The following PLCB1 variants were observed in gnomAD, a reference collection of about 807,000 sequenced individuals.
PLCB1 encodes the protein phospholipase C beta 1.
PLCB1 carries 46 observed loss-of-function variants against 161.8 expected under a neutral mutation model. That is an observed-to-expected ratio of 0.28 (90% confidence interval 0.22 to 0.36). The LOEUF is 0.36. PLCB1 is among the 10% of genes least tolerant of loss of function. PLCB1 has a pLI of 1.00. For synonymous variants in PLCB1, 517 were observed against 503.7 expected, an observed-to-expected ratio of 1.03 and a Z score of -0.35; for missense variants, 1,016 against 1,472.5, an observed-to-expected ratio of 0.69 and a Z score of 5.07.
intron 3 of PLCB1, among the ~76,000 whole-genome samples, chr20:8,471,695 G>T (rs1982059337): frequency 6.6e-6 from 1 of 152,124 alleles, no homozygotes; most frequent in African/African-American, 2.4e-5. Context: ...ATTGGATTTT[G>T]CAGACTCGCC....
intron 2 of PLCB1, among the ~76,000 whole-genome samples, chr20:8,250,906 A>C (rs1248058952): frequency 6.6e-6 from 1 of 151,990 alleles, no homozygotes; most frequent in African/African-American, 2.4e-5. Flanking sequence ...AGTGATACAA[A>C]CAAAACAACA....
At chr20:8,626,366 A>G (rs949353496) in intron 3 of PLCB1, among the ~76,000 whole-genome samples, 1 of 152,054 alleles carries the variant, frequency 6.6e-6, no homozygotes, top group Admixed American at 6.6e-5. Context: ...GAGTTCCTTT[A>G]TCTTAAGGAT....
rs566678022 is a variant in PLCB1, at chr20:8,465,076, A to G, written c.246+93626A>G. Among the ~76,000 whole-genome samples the G allele has an allele frequency of 9.9e-5, 15 of 152,146 alleles. 1 individual carries two copies. The South Asian group carries it at 1.7e-3, about 17-fold the overall frequency. On this transcript the variant is annotated intron_variant, in intron 3 of 31. Transcript: ENST00000338037. ...TGTTAGACATTCTTAGATAATTCCT[A>G]TATCTATTAGAATTATGGGTTGAAG...
chr20:8,134,490 G>A (rs2051324793), intron 1 of PLCB1, among the ~76,000 whole-genome samples: 1 of 152,180 alleles, frequency 6.6e-6, no homozygotes, highest in Non-Finnish European at 1.5e-5. Flanking sequence ...GAGAATGAAA[G>A]TATTCTATGA....
At chr20:8,766,792 T>C (rs924103029) in intron 26 of PLCB1, among the ~76,000 whole-genome samples, 4 of 152,124 alleles carry the variant, frequency 2.6e-5, no homozygotes, top group African/African-American at 9.7e-5. Context: ...CATGTCTGAA[T>C]TGGGGCCTGA....
chr20:8,431,007 A>T (rs1012824803), intron 3 of PLCB1, among the ~76,000 whole-genome samples: 1 of 152,078 alleles, frequency 6.6e-6, no homozygotes, highest in African/African-American at 2.4e-5. Context: ...CTTATGGTTT[A>T]TCTTTAGTAG....
intron 3 of PLCB1, among the ~76,000 whole-genome samples, chr20:8,390,489 A>T (rs968007908): frequency 2.6e-5 from 4 of 152,206 alleles, no homozygotes; most frequent in Non-Finnish European, 5.9e-5. Context: ...AGCCCTTAAC[A>T]GTGTTCCCTC....
chr20:8,407,961 C>T (rs1317219605), intron 3 of PLCB1, among the ~76,000 whole-genome samples: 2 of 152,008 alleles, frequency 1.3e-5, no homozygotes, highest in African/African-American at 2.4e-5. Flanking sequence ...TGAGAAAACT[C>T]GTGGTATAGG....
At chr20:8,573,555 GCTA>G (rs1240701102) in intron 3 of PLCB1, among the ~76,000 whole-genome samples, 2 of 152,186 alleles carry the variant, frequency 1.3e-5, no homozygotes, top group Non-Finnish European at 2.9e-5. Context: ...AGTTTGTCAT[GCTA>G]CTACCATCAA....
At chr20:8,194,125 A>T in intron 2 of PLCB1, among the ~76,000 whole-genome samples, 2 of 152,040 alleles carry the variant, frequency 1.3e-5, no homozygotes, top group East Asian at 3.9e-4. Flanking sequence ...TGTACATCAC[A>T]CTTATTTTGA....
At chr20:8,549,202 T>A (rs996066970) in intron 3 of PLCB1, among the ~76,000 whole-genome samples, 1 of 152,022 alleles carries the variant, frequency 6.6e-6, no homozygotes, top group African/African-American at 2.4e-5. Flanking sequence ...TAAATAAATA[T>A]ATATTTTTTT....
intron 3 of PLCB1, among the ~76,000 whole-genome samples, chr20:8,601,848 A>G (rs1470357046): frequency 6.6e-6 from 1 of 152,200 alleles, no homozygotes; most frequent in Non-Finnish European, 1.5e-5. Context: ...TAAACCTGCT[A>G]GTGTTAACTG....
intron 3 of PLCB1, among the ~76,000 whole-genome samples, chr20:8,381,366 C>T (rs1987248382): frequency 6.6e-6 from 1 of 152,146 alleles, no homozygotes; most frequent in Admixed American, 6.5e-5. Context: ...AGGATTTTTG[C>T]ATCGATGTTC....
chr20:8,484,727 A>G (rs1982650423), intron 3 of PLCB1, among the ~76,000 whole-genome samples: 1 of 152,126 alleles, frequency 6.6e-6, no homozygotes, highest in African/African-American at 2.4e-5. Context: ...TGTCTGAACT[A>G]TCCTTATAGT....
intron 2 of PLCB1, among the ~76,000 whole-genome samples, chr20:8,290,378 G>A (rs920208370): frequency 1.3e-5 from 2 of 152,154 alleles, no homozygotes; most frequent in African/African-American, 4.8e-5. Context: ...CCAAATAGGG[G>A]ATGCATTGTC....
At chr20:8,375,943 C>CAAAAA (rs34790517) in intron 3 of PLCB1, among the ~76,000 whole-genome samples, 2 of 93,044 alleles carry the variant, frequency 2.1e-5, no homozygotes, top group Non-Finnish European at 4.3e-5. Flanking sequence ...CCAAGTGAAC[C>CAAAAA]AAAAAAAAAA....
At chr20:8,208,367 T>C (rs1978638836) in intron 2 of PLCB1, among the ~76,000 whole-genome samples, 1 of 152,158 alleles carries the variant, frequency 6.6e-6, no homozygotes, top group East Asian at 1.9e-4. Context: ...AAGGAGATAA[T>C]GGACACAACC....
At chr20:8,412,908 T>G (rs1043927574) in intron 3 of PLCB1, among the ~76,000 whole-genome samples, 1 of 152,076 alleles carries the variant, frequency 6.6e-6, no homozygotes, top group Non-Finnish European at 1.5e-5. Context: ...GTTTTTCTTT[T>G]TATATGTTTC....
chr20:8,346,654 C>T (rs1986007619), intron 2 of PLCB1, among the ~76,000 whole-genome samples: 1 of 152,138 alleles, frequency 6.6e-6, no homozygotes, highest in East Asian at 1.9e-4. Context: ...CTTAACCTGC[C>T]TTGCAAGAAA....
Sources: allele counts gnomAD v4.1 joint callset (sites outside exome capture counted in the v4.1 genomes callset), GRCh38; gene constraint gnomAD v4.1.1; transcripts MANE v1.5; gene names NCBI Gene and HGNC (gene_info 2026-07-23, HGNC 2026-07-21).